DLEU7: variants seen among roughly 807,000 people sequenced by gnomAD.
DLEU7 encodes the protein leukemia-associated protein 7.
In DLEU7, 17 loss-of-function variants were observed where a neutral mutation model predicts 16.0. The ratio of observed to expected loss-of-function variants is 1.06; its 90% CI spans 0.73 to 1.59. The LOEUF is 1.59. DLEU7 is among the 40% of genes most tolerant of loss of function. The probability of loss-of-function intolerance (pLI) is 0.00; values close to 1 mark genes in which losing one functional copy is unlikely to be tolerated. For missense variants in DLEU7, 308 were observed against 314.9 expected (o/e 0.98, Z 0.17); for synonymous variants, 113 against 139.8 (o/e 0.81, Z 1.35).
intron 1 of DLEU7, among the ~76,000 whole-genome samples, chr13:50,717,919 C>T (rs145272742): frequency 1.3e-5 from 2 of 152,222 alleles, no homozygotes; most frequent in East Asian, 3.9e-4. Context: ...GAAATCACCA[C>T]CAATGCCAAG....
chr13:50,807,484 T>C (rs1223803022), intron 1 of DLEU7, among the ~76,000 whole-genome samples: 2 of 151,864 alleles, frequency 1.3e-5, no homozygotes, highest in African/African-American at 4.8e-5. Flanking sequence ...ATTTAATCTT[T>C]GAGTGTTGAG....
rs185244823 is a variant in DLEU7 at position 50,753,791 on chromosome 13, G to A, written c.460-40551C>T. ...TAGGCTGAAAGGCTCCTCAAGTGCC[G>A]CCAAAGTGGGAGCCCAGGCAGAGGT... On this transcript the variant is annotated intron_variant, in intron 1 of 1. Transcript: ENST00000400393. Among the ~76,000 whole-genome samples the A allele has an allele frequency of 7.9e-3, 1,198 of 152,354 alleles. 8 individuals are homozygous for A. The highest frequency in any genetic ancestry group is 0.026 in the African/African-American group (1,098 of 41,586).
chr13:50,730,625 G>C (rs1796059626), intron 1 of DLEU7, among the ~76,000 whole-genome samples: 1 of 152,092 alleles, frequency 6.6e-6, no homozygotes, highest in African/African-American at 2.4e-5. Context: ...GGAATCTCCT[G>C]GTTTTTAAAT....
chr13:50,731,635 C>T (rs1310453367), intron 1 of DLEU7, among the ~76,000 whole-genome samples: 1 of 152,132 alleles, frequency 6.6e-6, no homozygotes, highest in South Asian at 2.1e-4. Flanking sequence ...GGCAAGTCTA[C>T]AATTCAATGA....
intron 1 of DLEU7, among the ~76,000 whole-genome samples, chr13:50,747,332 C>CTGTGTG (rs3039979): frequency 0.059 from 8,116 of 137,608 alleles, 302 homozygotes; most frequent in East Asian, 0.15. Context: ...AAGAAAAACT[C>CTGTGTG]TGTGTGTGTG....
intron 1 of DLEU7, among the ~76,000 whole-genome samples, chr13:50,804,361 C>A (rs1473093071): frequency 6.6e-6 from 1 of 150,960 alleles, no homozygotes; most frequent in African/African-American, 2.4e-5. Context: ...ACTTTTATAT[C>A]TGTTCAAGTG....
chr13:50,750,500 T>C (rs1243882945), intron 1 of DLEU7, among the ~76,000 whole-genome samples: 2 of 152,150 alleles, frequency 1.3e-5, no homozygotes, highest in Non-Finnish European at 2.9e-5. Flanking sequence ...GTGGAGATTG[T>C]GTTGAATTTG....
intron 1 of DLEU7, among the ~76,000 whole-genome samples, chr13:50,788,049 G>C (rs973544900): frequency 2.0e-5 from 3 of 152,084 alleles, no homozygotes; most frequent in African/African-American, 7.2e-5. Context: ...AGCACCATAG[G>C]ATTCTCCCAC....
chr13:50,723,897 T>C (rs955776236), intron 1 of DLEU7, among the ~76,000 whole-genome samples: 1 of 151,962 alleles, frequency 6.6e-6, no homozygotes. Context: ...CATGTATACT[T>C]GTATAGTTGA....
intron 1 of DLEU7, among the ~76,000 whole-genome samples, chr13:50,731,027 C>T (rs1873898331): frequency 6.6e-6 from 1 of 152,162 alleles, no homozygotes. Flanking sequence ...TTGGTCCCCT[C>T]CTGCAACCAA....
chr13:50,731,091 C>T (rs1216098038), intron 1 of DLEU7, among the ~76,000 whole-genome samples: 1 of 152,150 alleles, frequency 6.6e-6, no homozygotes, highest in Non-Finnish European at 1.5e-5. Context: ...TTCACTTCAG[C>T]CTCTGATTGG....
At chr13:50,720,983 G>T (rs185874019) in intron 1 of DLEU7, among the ~76,000 whole-genome samples, 2 of 152,188 alleles carry the variant, frequency 1.3e-5, no homozygotes, top group Admixed American at 6.5e-5. Flanking sequence ...TTGTTCCTGG[G>T]TGTGTCTAAG....
chr13:50,762,566 T>G, intron 1 of DLEU7, among the ~76,000 whole-genome samples: 1 of 152,148 alleles, frequency 6.6e-6, no homozygotes, highest in East Asian at 1.9e-4. Flanking sequence ...AGCTTTGAAC[T>G]TGATGGAAGC....
chr13:50,753,656 G>A (rs184141503), intron 1 of DLEU7, among the ~76,000 whole-genome samples: 46 of 152,196 alleles, frequency 3.0e-4, no homozygotes, highest in African/African-American at 9.4e-4. Flanking sequence ...CGCAAGCACC[G>A]TGCGCAGCCC....
At chr13:50,713,068 G>T in exon 2 of DLEU7, 1 of 803,702 alleles carries the variant, frequency 1.2e-6, no homozygotes, top group Non-Finnish European at 2.0e-6. Flanking sequence ...CATGCAATTG[G>T]AGACCAATAC....
At chr13:50,760,125 C>T (rs1471348) in intron 1 of DLEU7, among the ~76,000 whole-genome samples, 86,621 of 152,012 alleles carry the variant, frequency 0.57, 27,229 homozygotes, top group African/African-American at 0.85. Context: ...TTTATTCAAG[C>T]TCTATATTTA....
chr13:50,842,947 G>A (rs1566272093), intron 1 of DLEU7, among the ~76,000 whole-genome samples: 1 of 152,084 alleles, frequency 6.6e-6, no homozygotes, highest in Non-Finnish European at 1.5e-5. Flanking sequence ...TTTTGGCAAG[G>A]CAGTCCCCAC....
At chr13:50,784,573 A>C (rs964519637) in intron 1 of DLEU7, among the ~76,000 whole-genome samples, 55 of 152,232 alleles carry the variant, frequency 3.6e-4, no homozygotes, top group Non-Finnish European at 7.2e-4. Context: ...ACTCAGGAGA[A>C]GTGTTCAAGT....
At chr13:50,799,269 A>G (rs1876184824) in intron 1 of DLEU7, among the ~76,000 whole-genome samples, 1 of 152,196 alleles carries the variant, frequency 6.6e-6, no homozygotes, top group South Asian at 2.1e-4. Flanking sequence ...GACTCACTGC[A>G]AGCCCTTCTT....
Sources: gnomAD v4.1 joint callset for allele counts (sites outside exome capture counted in the v4.1 genomes callset) on GRCh38, gnomAD v4.1.1 for gene constraint, MANE v1.5 for transcripts, NCBI Gene and HGNC (gene_info 2026-07-23, HGNC 2026-07-21) for gene names.